NR2F2: variants seen among roughly 807,000 people sequenced by gnomAD.
NR2F2 encodes the protein nuclear receptor subfamily 2 group F member 2, also known as COUP transcription factor 2.
Under a neutral mutation model 34.8 loss-of-function variants are expected in NR2F2, and 2 were observed. The ratio of observed to expected loss-of-function variants is 0.06; its 90% CI spans 0.02 to 0.18. The LOEUF (loss-of-function observed/expected upper bound fraction) is 0.18. Among genes scored for constraint, NR2F2 ranks in the 10% least tolerant of loss-of-function variants. NR2F2 has a pLI of 1.00. For synonymous variants in NR2F2, 274 were observed against 251.8 expected, an observed-to-expected ratio of 1.09 and a Z score of -0.84; for missense variants, 300 against 580.1, an observed-to-expected ratio of 0.52 and a Z score of 4.96.
In NR2F2 at chr15:96,331,944, A is replaced by T. The variant is rs1213992903; in HGVS notation, c.-162A>T. The T allele has an allele frequency of 1.7e-5, 21 of 1,202,380 alleles. No individual in the cohort carries two copies. The highest frequency in any genetic ancestry group is 2.2e-5 in the Non-Finnish European group (21 of 969,612). The allele number at this position is 1,202,380 out of a possible 1,614,324, so 74.5% of individuals were successfully genotyped here. On this transcript the variant is annotated 5_prime_UTR_variant, in exon 1 of 3. Coordinates refer to ENST00000394166, the MANE Select transcript of NR2F2 (RefSeq NM_021005.4). Reference sequence around the variant, plus strand: ...AAAAAGGAAAAACTAACCAACCTCAACCAACCAGCCCCCGAGCCACCCGGG... The same window carrying T: ...AAAAAGGAAAAACTAACCAACCTCATCCAACCAGCCCCCGAGCCACCCGGG...
rs1311411353 is a variant in NR2F2, at chr15:96,331,153, G to A, written c.-953G>A. 2.0e-6 allele frequency: 2 copies of A among 1,019,468 alleles called. No individual in the cohort carries two copies. Among genetic ancestry groups the A allele is most frequent in the Non-Finnish European group, 2.4e-6 (2 of 847,538 alleles). 63.2% of individuals were successfully genotyped at this position (1,019,468 alleles called of 1,614,324 possible). On this transcript the variant is annotated 5_prime_UTR_variant, in exon 1 of 3. Transcript: ENST00000394166. Reference sequence around the variant, plus strand: ...GCAGCGGCTCCGGGCCCGACCCGGCGGCTTCGGCGGCGGCTCCGGCGGCAG... The same window carrying A: ...GCAGCGGCTCCGGGCCCGACCCGGCAGCTTCGGCGGCGGCTCCGGCGGCAG...
intron 1 of NR2F2, chr15:96,332,764 C>T: frequency 2.7e-6 from 3 of 1,099,540 alleles, no homozygotes; most frequent in Non-Finnish European, 3.7e-6. Flanking sequence ...TCTCTTTGGG[C>T]TGTTTCCATT....
In NR2F2 at chr15:96,332,382, C is replaced by G; in HGVS notation, c.277C>G (p.Gln93Glu). Residue 93 changes from glutamine to glutamate, a missense_variant, in exon 1 of 3, where the codon CAG becomes GAG. Physicochemically the swap from Gln to Glu is conservative, Grantham distance 29. Transcript: ENST00000394166. ...GDKSSGKHYG[Q>E]FTCEGCKSFF... is the part of the protein sequence containing the mutation. The stretch of plus-strand genomic sequence containing the variant: ...CAAGTCGAGCGGCAAGCACTACGGC[C>G]AGTTCACGTGCGAGGGCTGCAAGAG... The G allele has an allele frequency of 6.2e-7, 1 of 1,613,630 alleles. No individual in the cohort carries two copies. Among genetic ancestry groups the G allele is most frequent in the Non-Finnish European group, 8.5e-7 (1 of 1,179,786 alleles).
At chr15:96,332,955 A>C (rs1383120507) in intron 1 of NR2F2, among the ~76,000 whole-genome samples, 19 of 151,304 alleles carry the variant, frequency 1.3e-4, no homozygotes, top group African/African-American at 2.2e-4. Context: ...AAAAAAAAAA[A>C]AAAAACCTGA....
At chr15:96,330,320 G>A (rs1320435219), upstream of NR2F2, among the ~76,000 whole-genome samples, 5 of 151,866 alleles carry the variant, frequency 3.3e-5, no homozygotes. Flanking sequence ...TAGTCTCCCC[G>A]CCGGGGCGGA....
At chr15:96,333,878 C>T (rs1307925824) in intron 1 of NR2F2, 198 bp from the exon 2 acceptor site, 2 of 1,432,222 alleles carry the variant, frequency 1.4e-6, no homozygotes, top group African/African-American at 1.4e-5. Flanking sequence ...CCCTCTGGCC[C>T]TCAGAGCTCG....
chr15:96,337,261 C>G, intron 2 of NR2F2, 87 bp from the exon 3 acceptor site: 3 of 1,439,404 alleles, frequency 2.1e-6, no homozygotes, highest in Non-Finnish European at 2.8e-6. Flanking sequence ...CCAATTCAAA[C>G]CTCTTAATCT....
At position 96,332,307 on chromosome 15, in the gene NR2F2, A is replaced by G. The variant is rs766186920; in HGVS notation, c.202A>G (p.Ser68Gly). The change falls in exon 1 of 3, where the codon AGC (serine) becomes GGC (glycine). Residue 68 changes from serine (S) to glycine (G), a missense_variant. Ser to Gly is a moderately conservative substitution (Grantham distance 56, BLOSUM62 0). This residue lies in a region of NR2F2 where 105 missense variants were observed against 107.8 expected (regional missense o/e 0.97). Transcript: ENST00000394166. ...CCAGGGCGGCCCTGGCGGCCCGGGT[A>G]GCGACAAGCAGCAGCAGCAGCAACA... ...GGQGGPGGPGSDKQQQQQHIE... is the reference protein window; with the variant it reads ...GGQGGPGGPGGDKQQQQQHIE... The G allele has an allele frequency of 1.6e-5, 26 of 1,582,684 alleles. No homozygotes were observed. Among genetic ancestry groups the G allele is most frequent in the Non-Finnish European group, 2.2e-5 (26 of 1,165,094 alleles).
intron 2 of NR2F2, among the ~76,000 whole-genome samples, chr15:96,335,374 G>A (rs1386335129): frequency 6.6e-6 from 1 of 152,248 alleles, no homozygotes; most frequent in African/African-American, 2.4e-5. Context: ...AATCTAATTA[G>A]TTTGCATGTA....
intron 1 of NR2F2, chr15:96,333,506 T>TC: frequency 4.0e-6 from 4 of 1,002,316 alleles, no homozygotes; most frequent in Non-Finnish European, 4.8e-6. Context: ...CGTCTCTTTC[T>TC]CCGAGCACAC....
chr15:96,331,837 C>A lies in NR2F2; in HGVS notation c.-269C>A, dbSNP rs1899154328. ...CCGGCGGAAAGCCCCCCGAAACCAA[C>A]AAAGCTGAGCCGAGAGAAACAAACA... On this transcript the variant is annotated 5_prime_UTR_variant, in exon 1 of 3. Transcript: ENST00000394166. The A allele has an allele frequency of 1.7e-6, 2 of 1,202,448 alleles. No homozygotes were observed. The highest frequency in any genetic ancestry group is 1.6e-5 in the African/African-American group (1 of 63,604). The allele number at this position is 1,202,448 out of a possible 1,614,324, so 74.5% of individuals were successfully genotyped here. A position where few individuals can be genotyped will look rare whatever the true frequency, so the allele number is the denominator to read the frequency against.
upstream of NR2F2, among the ~76,000 whole-genome samples, chr15:96,328,207 T>C (rs939656482): frequency 5.3e-5 from 8 of 152,356 alleles, no homozygotes; most frequent in East Asian, 1.3e-3. Flanking sequence ...CCTGACTTTA[T>C]GGCAGCCCTG....
In NR2F2 at chr15:96,330,979, CCT is replaced by C. The variant is rs898507217; in HGVS notation, c.-1118_-1117del. The C allele has an allele frequency of 6.7e-6, 8 of 1,201,604 alleles. No homozygotes were observed. Among genetic ancestry groups the C allele is most frequent in the African/African-American group, 1.6e-5 (1 of 63,174 alleles). 74.4% of individuals were successfully genotyped at this position (1,201,604 alleles called of 1,614,324 possible). A position where few individuals can be genotyped will look rare whatever the true frequency, so the allele number is the denominator to read the frequency against. On this transcript the variant is annotated 5_prime_UTR_variant, in exon 1 of 3. Transcript: ENST00000394166. ...GTGCTTCTAGGTGGTGATCTGCCCT[CCT>C]CTCTCTCTTTTATCATTTCTCCCCC...
chr15:96,336,740 T>A (rs1899339306), intron 2 of NR2F2, among the ~76,000 whole-genome samples: 1 of 151,840 alleles, frequency 6.6e-6, no homozygotes, highest in African/African-American at 2.4e-5. Flanking sequence ...AACAGAGAGA[T>A]CACGGTTTGC....
In NR2F2 at chr15:96,330,994, T is replaced by C; in HGVS notation, c.-1112T>C. 8.2e-7 allele frequency: 1 copy of C among 1,216,730 alleles called. No individual in the cohort carries two copies. 75.4% of individuals were successfully genotyped at this position (1,216,730 alleles called of 1,614,324 possible). A position where few individuals can be genotyped will look rare whatever the true frequency, so the allele number is the denominator to read the frequency against. On this transcript the variant is annotated 5_prime_UTR_variant, in exon 1 of 3. Coordinates refer to ENST00000394166, the MANE Select transcript of NR2F2 (RefSeq NM_021005.4). Reference sequence around the variant, plus strand: ...GATCTGCCCTCCTCTCTCTCTTTTATCATTTCTCCCCCGCCGCCGGCGAGT... The same window carrying C: ...GATCTGCCCTCCTCTCTCTCTTTTACCATTTCTCCCCCGCCGCCGGCGAGT...
chr15:96,336,286 A>C (rs548623797), intron 2 of NR2F2, among the ~76,000 whole-genome samples: 1 of 152,346 alleles, frequency 6.6e-6, no homozygotes, highest in Admixed American at 6.5e-5. Context: ...AGAGGGAGAC[A>C]CACAGTTCCG....
chr15:96,331,977 C>A lies in NR2F2; in HGVS notation c.-129C>A, dbSNP rs866894374. ...GCCCCCGAGCCACCCGGGGCGCCCT[C>A]CCGCGCCCTCTTGCACCCTCGCACA... On this transcript the variant is annotated 5_prime_UTR_variant, in exon 1 of 3. Transcript: ENST00000394166. The A allele has an allele frequency of 1.2e-4, 151 of 1,209,234 alleles. No homozygotes were observed. In the Middle Eastern group the frequency reaches 1.3e-3, roughly 11 times the overall value. The allele number at this position is 1,209,234 out of a possible 1,614,324, so 74.9% of individuals were successfully genotyped here.
chr15:96,332,091 GCAGCCCC>G lies in NR2F2; in HGVS notation c.-12_-6del. 1 of 1,299,264 alleles carries G rather than the reference GCAGCCCC, an allele frequency of 7.7e-7. No homozygotes were observed. The allele number at this position is 1,299,264 out of a possible 1,614,324, so 80.5% of individuals were successfully genotyped here. A position where few individuals can be genotyped will look rare whatever the true frequency, so the allele number is the denominator to read the frequency against. ...AGCCAGGGGAGCAGGAAGTCCGGAC[GCAGCCCC>G]CATAGATATGGCAATGGTAGTCAGC... On this transcript the variant is annotated 5_prime_UTR_variant, in exon 1 of 3. Transcript: ENST00000394166.
chr15:96,332,798 A>C (rs975714147), intron 1 of NR2F2, among the ~76,000 whole-genome samples: 8 of 151,806 alleles, frequency 5.3e-5, no homozygotes, highest in African/African-American at 1.7e-4. Context: ...TTGTGAGTTC[A>C]CTGGAGTCTG....
Sources: allele counts gnomAD v4.1 joint callset (sites outside exome capture counted in the v4.1 genomes callset), GRCh38; gene constraint gnomAD v4.1.1; regional missense constraint gnomAD v4.1.1; transcripts MANE v1.5; gene names NCBI Gene and HGNC (gene_info 2026-07-23, HGNC 2026-07-21).